The following ZNF829 variants were observed in gnomAD, a reference collection of about 807,000 sequenced individuals.
The protein encoded by ZNF829 is zinc finger protein 829.
In ZNF829, 25 loss-of-function variants were observed where a neutral mutation model predicts 35.2. The observed-to-expected ratio is 0.71, with a 90% CI of 0.52 to 0.99. The LOEUF is 0.99. Among genes scored for constraint, ZNF829 ranks in the 50% least tolerant of loss-of-function variants. ZNF829 has a pLI of 0.00. For missense variants in ZNF829, 417 were observed against 515.3 expected (o/e 0.81, Z 1.85); for synonymous variants, 136 against 163.2 (o/e 0.83, Z 1.27).
At chr19:36,892,985 C>T (rs897155037) in intron 5 of ZNF829, 11 of 424,192 alleles carry the variant, frequency 2.6e-5, no homozygotes, top group Non-Finnish European at 3.3e-5. Flanking sequence ...ATGCACCATG[C>T]GTGAGATATT....
At chr19:36,898,118 A>T (rs2073129373) in intron 5 of ZNF829, among the ~76,000 whole-genome samples, 1 of 152,150 alleles carries the variant, frequency 6.6e-6, no homozygotes, top group South Asian at 2.1e-4. Context: ...GAGAGCTGAG[A>T]TCATGCCATT....
chr19:36,891,897 A>G lies in ZNF829; in HGVS notation c.894T>C (p.Cys298=). 2 of 1,614,046 alleles carry G rather than the reference A, an allele frequency of 1.2e-6. No individual in the cohort carries two copies. The highest frequency in any genetic ancestry group is 1.7e-6 in the Non-Finnish European group (2 of 1,179,980). The change falls in exon 6 of 6, where the codon TGT becomes TGC. Residue 298 remains cysteine, a synonymous_variant. Transcript: ENST00000391711. The stretch of plus-strand genomic sequence containing the variant: ...GAGTAAAGGCTTTCCCACATTCTTT[A>G]CATTCATAAGGTTTCTCACCAGTAT... ...RIHTGEKPYE[C]KECGKAFTQH... is the part of the protein sequence containing the mutation.
intron 3 of ZNF829, among the ~76,000 whole-genome samples, chr19:36,914,622 T>C (rs993052760): frequency 6.6e-6 from 1 of 152,180 alleles, no homozygotes; most frequent in African/African-American, 2.4e-5. Flanking sequence ...TTTGATGACA[T>C]GGGAGAATAT....
chr19:36,912,166 C>T (rs2073269990), intron 3 of ZNF829, among the ~76,000 whole-genome samples: 1 of 152,158 alleles, frequency 6.6e-6, no homozygotes, highest in Non-Finnish European at 1.5e-5. Flanking sequence ...CCTTTTCATA[C>T]TTTGCAAGCT....
rs367932491 is a variant in ZNF829 at position 36,915,039 on chromosome 19, T to C, written c.39-17A>G. On this transcript the variant is annotated splice_polypyrimidine_tract_variant and intron_variant, in intron 2 of 5. Coordinates refer to ENST00000391711, the MANE Select transcript of ZNF829 (RefSeq NM_001037232.4). ...GGGTGACACCTGGAGAAAGGTAAAA[T>C]TGGGAGAGGGAAGAGTAACTGTGAG... 2.9e-5 allele frequency: 47 copies of C among 1,613,958 alleles called. No homozygotes were observed. In the African/African-American group the frequency reaches 5.2e-4, roughly 18 times the overall value.
At chr19:36,908,580 T>C in intron 3 of ZNF829, 121 bp from the exon 4 acceptor site, 4 of 1,130,390 alleles carry the variant, frequency 3.5e-6, no homozygotes, top group South Asian at 1.8e-5. Context: ...TCAGAAGATA[T>C]ACGTCCTGTG....
chr19:36,909,815 A>G (rs898249588), intron 3 of ZNF829, among the ~76,000 whole-genome samples: 1 of 151,908 alleles, frequency 6.6e-6, no homozygotes, highest in Admixed American at 6.6e-5. Context: ...TCAAAAAAAA[A>G]AAAAAGAAAG....
chr19:36,903,051 G>T (rs913160715), intron 5 of ZNF829, among the ~76,000 whole-genome samples: 2 of 152,038 alleles, frequency 1.3e-5, no homozygotes, highest in East Asian at 3.9e-4. Context: ...TAAAAAAGAA[G>T]AAGAAGAAAA....
At chr19:36,899,007 T>C (rs1432599603) in intron 5 of ZNF829, among the ~76,000 whole-genome samples, 2 of 151,984 alleles carry the variant, frequency 1.3e-5, no homozygotes, top group Non-Finnish European at 2.9e-5. Context: ...AATAGACAAA[T>C]TGGACTATAT....
intron 5 of ZNF829, among the ~76,000 whole-genome samples, chr19:36,899,366 G>A (rs1600733550): frequency 6.6e-6 from 1 of 152,130 alleles, no homozygotes; most frequent in Non-Finnish European, 1.5e-5. Flanking sequence ...AATCACTTGA[G>A]CCTGGGAGTT....
rs1190411489 is a variant in ZNF829, at chr19:36,903,066, T to C, written c.319+4863A>G. ...TAAAAAAGAAGAAGAAGAAAAAAAGTAACTGTGTTGCTCTGTAGTGTGTCA... is the reference window on the plus strand; with the variant it reads ...TAAAAAAGAAGAAGAAGAAAAAAAGCAACTGTGTTGCTCTGTAGTGTGTCA... On this transcript the variant is annotated intron_variant, in intron 5 of 5. Transcript: ENST00000391711. 2.6e-5 allele frequency among the ~76,000 whole-genome samples: 4 copies of C among 152,216 alleles called. No individual in the cohort carries two copies. In the East Asian group the frequency reaches 7.7e-4, roughly 29 times the overall value.
intron 5 of ZNF829, chr19:36,901,751 AC>A (rs2073167825): frequency 7.6e-6 from 4 of 528,078 alleles, no homozygotes; most frequent in Non-Finnish European, 1.0e-5. Flanking sequence ...AATGGCTCCC[AC>A]AAAGAAGGGT....
intron 1 of ZNF829, among the ~76,000 whole-genome samples, 154 bp from the exon 2 acceptor site, chr19:36,915,405 CACAT>C (rs2073308709): frequency 6.6e-6 from 1 of 152,162 alleles, no homozygotes; most frequent in Admixed American, 6.5e-5. Context: ...CAGTTACAAT[CACAT>C]ACACACCATA....
chr19:36,893,542 T>A (rs930252427), intron 5 of ZNF829, among the ~76,000 whole-genome samples: 8 of 152,154 alleles, frequency 5.3e-5, no homozygotes, highest in African/African-American at 1.9e-4. Flanking sequence ...AACTTATGAT[T>A]GCTAAAAAGA....
chr19:36,902,113 G>T, intron 5 of ZNF829: 7 of 318,246 alleles, frequency 2.2e-5, no homozygotes, highest in East Asian at 6.6e-5. Flanking sequence ...ATGTGGATGA[G>T]AACTAATCAC....
intron 5 of ZNF829, among the ~76,000 whole-genome samples, chr19:36,898,176 GA>G (rs567255504): frequency 6.8e-6 from 1 of 147,374 alleles, no homozygotes. Flanking sequence ...CTCAAAAAGG[GA>G]AAAAAAAAGG....
In ZNF829 at chr19:36,890,686, C is replaced by CAAAAAAAAA. The variant is rs71171475; in HGVS notation, c.*797_*805dup. 4 of 84,054 alleles carry CAAAAAAAAA rather than the reference C, an allele frequency of 4.8e-5. No homozygotes were observed. Among genetic ancestry groups the CAAAAAAAAA allele is most frequent in the Admixed American group, 1.2e-4 (1 of 8,024 alleles). The allele number at this position is 84,054 out of a possible 1,614,324, so 5.2% of individuals were successfully genotyped here. On this transcript the variant is annotated 3_prime_UTR_variant, in exon 6 of 6. Coordinates refer to ENST00000391711, the MANE Select transcript of ZNF829 (RefSeq NM_001037232.4). ...TGAAACCCCGTCGCTACTAAAAATA[C>CAAAAAAAAA]AAAAAAAAAAAAAAAAAAAATTAGC...
chr19:36,908,582 C>T (rs937977181), intron 3 of ZNF829, 123 bp from the exon 4 acceptor site: 48 of 1,101,236 alleles, frequency 4.4e-5, no homozygotes, highest in South Asian at 1.3e-4. Context: ...AGAAGATATA[C>T]GTCCTGTGTA....
chr19:36,915,272 T>A, intron 1 of ZNF829, 21 bp from the exon 2 acceptor site: 1 of 1,596,678 alleles, frequency 6.3e-7, no homozygotes, highest in South Asian at 1.1e-5. Context: ...AGTTCTGGAG[T>A]CACAATCGCA....
Sources: allele counts gnomAD v4.1 joint callset (sites outside exome capture counted in the v4.1 genomes callset), GRCh38; gene constraint gnomAD v4.1.1; transcripts MANE v1.5; gene names NCBI Gene and HGNC (gene_info 2026-07-23, HGNC 2026-07-21).